The following SEMA6D variants were observed in gnomAD, a reference collection of about 807,000 sequenced individuals.
SEMA6D encodes semaphorin 6D.
A neutral mutation model predicts 106.6 loss-of-function variants in SEMA6D; 35 were observed. The observed-to-expected ratio is 0.33, with a 90% CI of 0.25 to 0.44. The LOEUF is 0.44. Ranked by LOEUF, SEMA6D falls within the 20% of genes least tolerant of loss-of-function variation. The pLI is 1.00. For missense variants in SEMA6D, 1,185 were observed against 1,345.9 expected, an observed-to-expected ratio of 0.88 and a Z score of 1.87; for synonymous variants, 499 against 487.7, an observed-to-expected ratio of 1.02 and a Z score of -0.31.
At chr15:47,463,033 G>A (rs1424778825) in intron 2 of SEMA6D, among the ~76,000 whole-genome samples, 1 of 151,984 alleles carries the variant, frequency 6.6e-6, no homozygotes. Context: ...ATATGGAAAG[G>A]ACTTTTTAAA....
At chr15:47,403,684 G>A (rs542813960) in intron 1 of SEMA6D, among the ~76,000 whole-genome samples, 279 of 152,274 alleles carry the variant, frequency 1.8e-3, no homozygotes, top group African/African-American at 6.6e-3. Flanking sequence ...TTAACTGCAT[G>A]GGGATGGGGA....
At chr15:47,589,617 A>G (rs1306795756) in intron 3 of SEMA6D, among the ~76,000 whole-genome samples, 1 of 152,246 alleles carries the variant, frequency 6.6e-6, no homozygotes, top group Non-Finnish European at 1.5e-5. Flanking sequence ...TCTTTGCTTT[A>G]TAGGGATTTA....
intron 2 of SEMA6D, among the ~76,000 whole-genome samples, chr15:47,467,799 C>T (rs1472336066): frequency 1.3e-5 from 2 of 152,132 alleles, no homozygotes; most frequent in Admixed American, 6.5e-5. Flanking sequence ...CCGGCAGCAT[C>T]GGTGCCATTT....
At chr15:47,749,256 A>G (rs2081304330) in intron 1 of SEMA6D, among the ~76,000 whole-genome samples, 1 of 151,432 alleles carries the variant, frequency 6.6e-6, no homozygotes, top group African/African-American at 2.4e-5. Context: ...TAATTTTTGT[A>G]TTTTTACTAG....
intron 2 of SEMA6D, among the ~76,000 whole-genome samples, chr15:47,459,101 C>T (rs1567094131): frequency 6.6e-6 from 1 of 151,988 alleles, no homozygotes; most frequent in Non-Finnish European, 1.5e-5. Flanking sequence ...TGATAGGATA[C>T]AGCCCCCATC....
intron 4 of SEMA6D, among the ~76,000 whole-genome samples, chr15:47,682,523 A>G (rs1427310865): frequency 2.0e-5 from 3 of 152,144 alleles, no homozygotes; most frequent in African/African-American, 7.2e-5. Context: ...TCTGATGTAT[A>G]TCTTCAAATC....
intron 3 of SEMA6D, among the ~76,000 whole-genome samples, chr15:47,488,164 G>A (rs2043353151): frequency 6.6e-6 from 1 of 151,970 alleles, no homozygotes; most frequent in Admixed American, 6.6e-5. Flanking sequence ...TTTTTGTTCT[G>A]ATTATACTGG....
At chr15:47,230,225 C>A (rs547017053) in intron 1 of SEMA6D, among the ~76,000 whole-genome samples, 28 of 152,068 alleles carry the variant, frequency 1.8e-4, no homozygotes, top group African/African-American at 6.5e-4. Context: ...CAGTTTTTGC[C>A]TGTGTAATCC....
At chr15:47,633,729 A>G (rs1434101404) in intron 4 of SEMA6D, among the ~76,000 whole-genome samples, 1 of 152,104 alleles carries the variant, frequency 6.6e-6, no homozygotes, top group Non-Finnish European at 1.5e-5. Context: ...ACAATGCTCT[A>G]TTTCTTTTTC....
At chr15:47,500,346 A>G (rs1335197797) in intron 3 of SEMA6D, among the ~76,000 whole-genome samples, 2 of 152,230 alleles carry the variant, frequency 1.3e-5, no homozygotes, top group South Asian at 2.1e-4. Context: ...TCTGCTGACA[A>G]TTTCTAAATT....
chr15:47,387,040 G>GT (rs2039863635), intron 1 of SEMA6D, among the ~76,000 whole-genome samples: 1 of 151,852 alleles, frequency 6.6e-6, no homozygotes. Context: ...TGCTGCGTGT[G>GT]GCTCCATCAT....
intron 3 of SEMA6D, among the ~76,000 whole-genome samples, chr15:47,473,079 T>C (rs542232175): frequency 1.3e-5 from 2 of 152,292 alleles, no homozygotes; most frequent in African/African-American, 4.8e-5. Context: ...ACGTCTTCTC[T>C]AGGGTCAGTC....
At chr15:47,319,852 A>G (rs1336768380) in intron 1 of SEMA6D, among the ~76,000 whole-genome samples, 3 of 152,068 alleles carry the variant, frequency 2.0e-5, no homozygotes, top group African/African-American at 4.8e-5. Context: ...TGCCTATGAC[A>G]AGTTCCCTGG....
intron 1 of SEMA6D, among the ~76,000 whole-genome samples, chr15:47,264,489 T>A (rs2034222710): frequency 1.3e-5 from 2 of 152,206 alleles, no homozygotes; most frequent in African/African-American, 4.8e-5. Flanking sequence ...TTCAAAACAG[T>A]TGTACCATCT....
At chr15:47,731,073 C>CAGAT in intron 1 of SEMA6D, 1 of 549,964 alleles carries the variant, frequency 1.8e-6, no homozygotes, top group South Asian at 2.8e-5. Flanking sequence ...GACAGACACA[C>CAGAT]AGATAGTCCA....
At chr15:47,709,191 T>A (rs2078969908) in intron 4 of SEMA6D, among the ~76,000 whole-genome samples, 1 of 152,114 alleles carries the variant, frequency 6.6e-6, no homozygotes, top group African/African-American at 2.4e-5. Context: ...GTCCCTTGAC[T>A]GAAGGACACA....
chr15:47,361,454 C>T (rs1395474208), intron 1 of SEMA6D, among the ~76,000 whole-genome samples: 2 of 152,142 alleles, frequency 1.3e-5, no homozygotes, highest in East Asian at 1.9e-4. Flanking sequence ...TTCTACAAGT[C>T]CTATACTTCA....
chr15:47,652,774 G>A (rs2077718721), intron 4 of SEMA6D, among the ~76,000 whole-genome samples: 1 of 152,138 alleles, frequency 6.6e-6, no homozygotes, highest in East Asian at 1.9e-4. Context: ...GCTCATTGGT[G>A]TTTCTCTTAT....
Position 47,763,941 on chromosome 15 carries a change from C to T in SEMA6D, c.839C>T (p.Ala280Val), listed in dbSNP as rs2082198227. The change falls in exon 10 of 19, where the codon GCT becomes GTT. Residue 280 changes from alanine to valine, a missense_variant. This residue lies in a region of SEMA6D where 291 missense variants were observed against 423.8 expected (regional missense o/e 0.69). Transcript: ENST00000536845. ...LEKHWTSFLK[A>V]RLNCSVPGDS... ...AAACACTGGACTTCATTTCTAAAGGCTCGGCTGAACTGTTCTGTCCCTGGA... is the reference window on the plus strand; with the variant it reads ...AAACACTGGACTTCATTTCTAAAGGTTCGGCTGAACTGTTCTGTCCCTGGA... 6.2e-7 allele frequency: 1 copy of T among 1,613,976 alleles called. No homozygotes were observed. Among genetic ancestry groups the T allele is most frequent in the Non-Finnish European group, 8.5e-7 (1 of 1,179,884 alleles).
Sources: gnomAD v4.1 joint callset for allele counts (sites outside exome capture counted in the v4.1 genomes callset) on GRCh38, gnomAD v4.1.1 for gene constraint, gnomAD v4.1.1 regional missense constraint, MANE v1.5 for transcripts, NCBI Gene and HGNC (gene_info 2026-07-23, HGNC 2026-07-21) for gene names.